INPP4B: variants seen among roughly 807,000 people sequenced by gnomAD.
The protein encoded by INPP4B is inositol polyphosphate 4-phosphatase type II.
In INPP4B, 55 loss-of-function variants were observed where a neutral mutation model predicts 122.5. The ratio of observed to expected loss-of-function variants is 0.45; its 90% CI spans 0.36 to 0.56. INPP4B has a LOEUF of 0.56. INPP4B is among the 20% of genes least tolerant of loss of function. The pLI is 0.00. For missense variants in INPP4B, 1,000 were observed against 1,097.7 expected, an observed-to-expected ratio of 0.91 and a Z score of 1.26; for synonymous variants, 403 against 388.7, an observed-to-expected ratio of 1.04 and a Z score of -0.43.
intron 3 of INPP4B, among the ~76,000 whole-genome samples, chr4:142,449,576 C>T (rs945870934): frequency 1.3e-5 from 2 of 152,068 alleles, no homozygotes; most frequent in Admixed American, 6.5e-5. Context: ...GTGGCGCATG[C>T]CTGTAATCCC....
At chr4:142,482,705 C>T (rs557741859) in intron 2 of INPP4B, among the ~76,000 whole-genome samples, 10 of 152,180 alleles carry the variant, frequency 6.6e-5, no homozygotes, top group Admixed American at 2.6e-4. Context: ...GTAAGTCATA[C>T]GCCAATGCTT....
chr4:142,537,115 G>A (rs1191661496), intron 2 of INPP4B, among the ~76,000 whole-genome samples: 2 of 151,946 alleles, frequency 1.3e-5, no homozygotes, highest in African/African-American at 4.8e-5. Context: ...TTCTTAACAG[G>A]ACAGCAAGTG....
intron 2 of INPP4B, among the ~76,000 whole-genome samples, chr4:142,705,458 A>ACACAC (rs1762355101): frequency 6.8e-6 from 1 of 146,206 alleles, no homozygotes; most frequent in African/African-American, 2.6e-5. Flanking sequence ...TCCCACCCCA[A>ACACAC]ACACACACAC....
At chr4:142,783,316 A>G (rs934002423) in intron 1 of INPP4B, among the ~76,000 whole-genome samples, 6 of 152,340 alleles carry the variant, frequency 3.9e-5, no homozygotes, top group African/African-American at 1.4e-4. Context: ...ACAAATTTAC[A>G]AGAAAAAAAC....
intron 2 of INPP4B, among the ~76,000 whole-genome samples, chr4:142,614,416 G>A (rs989621036): frequency 2.0e-5 from 3 of 152,050 alleles, no homozygotes; most frequent in Non-Finnish European, 4.4e-5. Flanking sequence ...AAACCTAAAT[G>A]TAAGACTTGA....
chr4:142,513,690 A>G (rs956962454), intron 2 of INPP4B, among the ~76,000 whole-genome samples: 9 of 152,200 alleles, frequency 5.9e-5, no homozygotes, highest in Non-Finnish European at 2.9e-5. Flanking sequence ...TACAGGCATG[A>G]GCCACTGCAC....
chr4:142,180,046 G>A (rs1031338048), intron 15 of INPP4B, among the ~76,000 whole-genome samples: 1 of 152,054 alleles, frequency 6.6e-6, no homozygotes, highest in African/African-American at 2.4e-5. Context: ...AAAGGTCCAG[G>A]AGTAAAAATC....
chr4:142,715,495 C>G (rs570327805), intron 2 of INPP4B, among the ~76,000 whole-genome samples: 2 of 152,278 alleles, frequency 1.3e-5, no homozygotes, highest in Admixed American at 1.3e-4. Context: ...ACATGGGGAT[C>G]TCCAACCCCA....
chr4:142,416,020 G>T (rs1805678493), intron 5 of INPP4B, among the ~76,000 whole-genome samples: 1 of 151,706 alleles, frequency 6.6e-6, no homozygotes, highest in Non-Finnish European at 1.5e-5. Context: ...GGGTGAGGGG[G>T]GAGGGATAGC....
At chr4:142,542,846 A>T (rs1215555473) in intron 2 of INPP4B, among the ~76,000 whole-genome samples, 1 of 152,180 alleles carries the variant, frequency 6.6e-6, no homozygotes, top group East Asian at 1.9e-4. Context: ...TACATATACC[A>T]ATGACAATTA....
chr4:142,832,158 C>T (rs574573544), intron 1 of INPP4B, among the ~76,000 whole-genome samples: 1 of 151,874 alleles, frequency 6.6e-6, no homozygotes, highest in Non-Finnish European at 1.5e-5. Flanking sequence ...TGGAATGTGC[C>T]GAGTAGATAA....
intron 2 of INPP4B, among the ~76,000 whole-genome samples, chr4:142,462,927 GC>G (rs1380872240): frequency 1.3e-5 from 2 of 152,170 alleles, no homozygotes; most frequent in Non-Finnish European, 2.9e-5. Flanking sequence ...AGCCCATAGA[GC>G]CCCTCTAGAA....
intron 9 of INPP4B, among the ~76,000 whole-genome samples, chr4:142,279,682 T>C (rs949460735): frequency 3.3e-5 from 5 of 151,926 alleles, no homozygotes; most frequent in Non-Finnish European, 7.4e-5. Flanking sequence ...GAACTGGACT[T>C]AGGTTCTTAG....
chr4:142,376,328 T>C (rs892486281), intron 7 of INPP4B, among the ~76,000 whole-genome samples: 3 of 152,020 alleles, frequency 2.0e-5, no homozygotes, highest in Admixed American at 1.3e-4. Context: ...CATGGCTTTG[T>C]TCCTCTCAGA....
At chr4:142,177,221 C>T (rs975979068) in intron 15 of INPP4B, among the ~76,000 whole-genome samples, 6 of 151,302 alleles carry the variant, frequency 4.0e-5, no homozygotes, top group Non-Finnish European at 7.4e-5. Flanking sequence ...TAAAAGCCAA[C>T]GTTGGTGTCC....
intron 17 of INPP4B, among the ~76,000 whole-genome samples, chr4:142,157,081 C>T (rs1314604773): frequency 6.6e-6 from 1 of 152,114 alleles, no homozygotes; most frequent in Admixed American, 6.6e-5. Flanking sequence ...CCAGCATTGA[C>T]TAGACTTGTA....
chr4:142,532,920 T>G (rs140522456), intron 2 of INPP4B, among the ~76,000 whole-genome samples: 138 of 152,318 alleles, frequency 9.1e-4, no homozygotes, highest in African/African-American at 2.9e-3. Context: ...TACAATTTTG[T>G]TTTGCTTTAT....
chr4:142,429,129 C>A (rs754356817), intron 5 of INPP4B, 44 bp downstream of exon 5: 1 of 1,182,410 alleles, frequency 8.5e-7, no homozygotes, highest in Admixed American at 2.0e-5. Context: ...AACTACTACA[C>A]AAATTCTTAT....
At chr4:142,659,656 G>C (rs1754798079) in intron 2 of INPP4B, among the ~76,000 whole-genome samples, 2 of 152,050 alleles carry the variant, frequency 1.3e-5, no homozygotes, top group African/African-American at 4.8e-5. Flanking sequence ...CCAGGTGATG[G>C]GAATAAATAG....
Sources: allele counts gnomAD v4.1 joint callset (sites outside exome capture counted in the v4.1 genomes callset), GRCh38; gene constraint gnomAD v4.1.1; transcripts MANE v1.5; gene names NCBI Gene and HGNC (gene_info 2026-07-23, HGNC 2026-07-21).